Variants in OPRM1 observed in about 807,000 individuals in gnomAD.
OPRM1 encodes the protein opioid receptor mu 1, also known as mu-type opioid receptor.
Under a neutral mutation model 31.8 loss-of-function variants are expected in OPRM1, and 27 were observed. That is an observed-to-expected ratio of 0.85 (90% CI 0.63 to 1.17). The LOEUF (loss-of-function observed/expected upper bound fraction) is 1.17, where lower values mean the gene tolerates loss of function less well. OPRM1 is among the 50% of genes most tolerant of loss of function. OPRM1 has a pLI of 0.00. For missense variants in OPRM1, 536 were observed against 511.1 expected, an observed-to-expected ratio of 1.05 and a Z score of -0.47; for synonymous variants, 196 against 189.9, an observed-to-expected ratio of 1.03 and a Z score of -0.26.
intron 3 of OPRM1, among the ~76,000 whole-genome samples, chr6:154,180,854 A>C (rs893307793): frequency 6.6e-6 from 1 of 152,178 alleles, no homozygotes. Context: ...AGGGAAGATA[A>C]TTTTAGTTCC....
chr6:154,148,756 C>T (rs916243001), intron 3 of OPRM1, among the ~76,000 whole-genome samples: 14 of 152,204 alleles, frequency 9.2e-5, no homozygotes, highest in African/African-American at 3.4e-4. Flanking sequence ...TGAAGCTCTG[C>T]CCCGTGGAAG....
intron 3 of OPRM1, chr6:154,221,149 C>A: frequency 2.6e-6 from 2 of 775,952 alleles, no homozygotes; most frequent in Non-Finnish European, 2.1e-6. Context: ...CTTAAAGTAA[C>A]AGAAATAAAA....
In OPRM1 at chr6:154,126,196, A is replaced by G. The variant is rs991461184; in HGVS notation, c.*7475A>G. ...ACCACAGAAGATATAGGAGAAGAGA[A>G]AAAAAAAAGAGGAAATAAAGAAGAC... On this transcript the variant is annotated 3_prime_UTR_variant, in exon 4 of 4. Coordinates refer to ENST00000330432, the MANE Select transcript of OPRM1 (RefSeq NM_000914.5). 1.6e-3 allele frequency among the ~76,000 whole-genome samples: 3 copies of G among 1,910 alleles called. No individual in the cohort carries two copies. The highest frequency in any genetic ancestry group is 2.2e-3 in the African/African-American group (2 of 914). The allele number at this position is 1,910 out of a possible 152,430, so 1.3% of individuals were successfully genotyped here. A position where few individuals can be genotyped will look rare whatever the true frequency, so the allele number is the denominator to read the frequency against.
At chr6:154,117,720 C>T (rs1797019870) in intron 3 of OPRM1, among the ~76,000 whole-genome samples, 1 of 152,146 alleles carries the variant, frequency 6.6e-6, no homozygotes, top group Non-Finnish European at 1.5e-5. Context: ...TTGTCAGGGT[C>T]AGCAAGGGTG....
chr6:154,183,665 G>A (rs780099286), intron 3 of OPRM1, among the ~76,000 whole-genome samples: 8 of 152,068 alleles, frequency 5.3e-5, no homozygotes, highest in East Asian at 1.9e-4. Flanking sequence ...TTTTGAGGCC[G>A]AGGCAGGCAG....
rs1797517353 is a variant in OPRM1 at position 154,125,181 on chromosome 6, C to T, written c.*6460C>T. Among the ~76,000 whole-genome samples the T allele has an allele frequency of 6.6e-6, 1 of 152,128 alleles. No homozygotes were observed. Among genetic ancestry groups the T allele is most frequent in the Non-Finnish European group, 1.5e-5 (1 of 68,030 alleles). The stretch of plus-strand genomic sequence containing the variant: ...TAAGAATAGATATATTTATATTTTT[C>T]AGATGATATATCTTCATTTTCGATT... On this transcript the variant is annotated 3_prime_UTR_variant, in exon 4 of 4. Coordinates refer to ENST00000330432, the MANE Select transcript of OPRM1 (RefSeq NM_000914.5).
rs56231733 is a variant in OPRM1, at chr6:154,192,318, C to CTGTG, written c.1165-54343_1165-54340dup. ...GACCCAAATGGTGGCCACGTGGTTA[C>CTGTG]TGTGTGTGTGTGTGTGTGTGTGTGT... On this transcript the variant is annotated intron_variant, in intron 3 of 3. Transcript: ENST00000337049. Among the ~76,000 whole-genome samples, 1,154 of 148,114 alleles carry CTGTG rather than the reference C, an allele frequency of 7.8e-3. 6 individuals carry two copies. Among genetic ancestry groups the CTGTG allele is most frequent in the African/African-American group, 0.021 (844 of 40,076 alleles).
Position 154,089,901 on chromosome 6 carries a change from C to T in OPRM1, c.366C>T (p.Thr122=). ...TGGCAGATGCCTTAGCCACCAGTAC[C>T]CTGCCCTTCCAGAGTGTGAATTACC... is the stretch of plus-strand genomic sequence containing the variant. ...LALADALATS[T]LPFQSVNYLM... is the part of the protein sequence containing the mutation. The change falls in exon 2 of 4, where the codon ACC becomes ACT. Residue 122 remains threonine, a synonymous_variant. Coordinates refer to ENST00000330432, the MANE Select transcript of OPRM1 (RefSeq NM_000914.5). 2 of 1,614,078 alleles carry T rather than the reference C, an allele frequency of 1.2e-6. No homozygotes were observed. The highest frequency in any genetic ancestry group is 1.6e-4 in the Middle Eastern group (1 of 6,062).
At chr6:154,200,237 T>C (rs986391447) in intron 3 of OPRM1, among the ~76,000 whole-genome samples, 1 of 152,226 alleles carries the variant, frequency 6.6e-6, no homozygotes, top group Non-Finnish European at 1.5e-5. Context: ...AACTGATTTA[T>C]GTAACTTTAA....
At chr6:154,035,046 A>G (rs1779223135), upstream of OPRM1, among the ~76,000 whole-genome samples, 1 of 152,182 alleles carries the variant, frequency 6.6e-6, no homozygotes, top group African/African-American at 2.4e-5. Flanking sequence ...AAGCCAAACA[A>G]CAAAGGATAA....
rs59576607 is a variant in OPRM1 at position 154,129,852 on chromosome 6, GCACA to G, written c.*11162_*11165del. Among the ~76,000 whole-genome samples the G allele has an allele frequency of 0.19, 25,451 of 130,964 alleles. 2,554 individuals carry two copies. Among genetic ancestry groups the G allele is most frequent in the Non-Finnish European group, 0.26 (15,657 of 60,304 alleles). 85.9% of individuals were successfully genotyped at this position (130,964 alleles called of 152,430 possible). ...TTACCACCGACACCCTCCCCCCCCA[GCACA>G]CACACACACACACACACACACACAC... On this transcript the variant is annotated 3_prime_UTR_variant, in exon 4 of 4. Coordinates refer to ENST00000330432, the MANE Select transcript of OPRM1 (RefSeq NM_000914.5).
Position 154,039,751 on chromosome 6 carries a change from G to A in OPRM1, c.207G>A (p.Thr69=), listed in dbSNP as rs1043541469. 3 of 1,607,542 alleles carry A rather than the reference G, an allele frequency of 1.9e-6. No homozygotes were observed. The highest frequency in any genetic ancestry group is 2.5e-6 in the Non-Finnish European group (3 of 1,179,974). The change falls in exon 1 of 4, where the codon ACG becomes ACA. Residue 69 remains threonine, a synonymous_variant. Coordinates refer to ENST00000330432, the MANE Select transcript of OPRM1 (RefSeq NM_000914.5). The part of the protein sequence containing the change: ...CPPTGSPSMI[T]AITIMALYSI... The stretch of plus-strand genomic sequence containing the variant: ...CGACCGGCAGTCCCTCCATGATCAC[G>A]GCCATCACGATCATGGCCCTCTACT...
intron 3 of OPRM1, among the ~76,000 whole-genome samples, chr6:154,209,133 A>T (rs1438411067): frequency 6.6e-6 from 1 of 152,254 alleles, no homozygotes; most frequent in African/African-American, 2.4e-5. Context: ...TAGAATGATT[A>T]GACTGAATTA....
intron 3 of OPRM1, chr6:154,246,571 G>C: frequency 6.3e-7 from 1 of 1,598,306 alleles, no homozygotes; most frequent in South Asian, 1.1e-5. Context: ...CTGGGAATAG[G>C]AGGAAGAAAG....
At chr6:154,205,502 G>A (rs1562540307) in intron 3 of OPRM1, among the ~76,000 whole-genome samples, 1 of 152,144 alleles carries the variant, frequency 6.6e-6, no homozygotes, top group Non-Finnish European at 1.5e-5. Flanking sequence ...GGCTGAGGCA[G>A]GAGAATCACT....
chr6:154,246,488 A>G (rs1000158431), intron 3 of OPRM1: 3 of 1,327,738 alleles, frequency 2.3e-6, no homozygotes, highest in African/African-American at 2.9e-5. Flanking sequence ...ACTCCGCTCC[A>G]ATTCCCAGAA....
intron 3 of OPRM1, among the ~76,000 whole-genome samples, chr6:154,228,037 G>A (rs1306975639): frequency 1.3e-5 from 2 of 152,086 alleles, no homozygotes; most frequent in African/African-American, 2.4e-5. Context: ...AATCTTGAGA[G>A]AATGACAGTG....
At chr6:154,115,355 C>T (rs940051834) in intron 3 of OPRM1, among the ~76,000 whole-genome samples, 2 of 152,048 alleles carry the variant, frequency 1.3e-5, no homozygotes, top group African/African-American at 4.8e-5. Flanking sequence ...GCCTGGGCAA[C>T]ATCGTGAAAC....
chr6:154,039,194 A>T, upstream of OPRM1: 1 of 1,551,540 alleles, frequency 6.4e-7, no homozygotes. Context: ...CAGTGAAGAG[A>T]CCTACTCCTT....
Sources: allele counts gnomAD v4.1 joint callset (sites outside exome capture counted in the v4.1 genomes callset), GRCh38; gene constraint gnomAD v4.1.1; transcripts MANE v1.5; gene names NCBI Gene and HGNC (gene_info 2026-07-23, HGNC 2026-07-21).